Variants in CCDC126 observed in about 807,000 individuals in gnomAD.
CCDC126 encodes the protein coiled-coil domain-containing protein 126.
CCDC126 carries 5 observed loss-of-function variants against 11.7 expected under a neutral mutation model. The observed-to-expected ratio is 0.43, with a 90% confidence interval of 0.22 to 0.90. The LOEUF is 0.90. Ranked by LOEUF, CCDC126 falls within the 40% of genes least tolerant of loss-of-function variation. The probability of loss-of-function intolerance (pLI) is 0.27; values close to 1 mark genes in which losing one functional copy is unlikely to be tolerated. For synonymous variants in CCDC126, 60 were observed against 61.9 expected, an observed-to-expected ratio of 0.97 and a Z score of 0.14; for missense variants, 150 against 163.1, an observed-to-expected ratio of 0.92 and a Z score of 0.44.
At position 23,612,818 on chromosome 7, in the gene CCDC126, A is replaced by G. The variant is rs540848188; in HGVS notation, c.238+1265A>G. On this transcript the variant is annotated intron_variant, in intron 3 of 3. Transcript: ENST00000307471. ...ATTTCCTAAGAAGCAGGTTTTGCCT[A>G]TATATCTCCAGTATTGTTTATTGCT... is the stretch of plus-strand genomic sequence containing the variant. Among the ~76,000 whole-genome samples, 8 of 152,310 alleles carry G rather than the reference A, an allele frequency of 5.3e-5. No individual in the cohort carries two copies. In the East Asian group the frequency reaches 1.2e-3, roughly 22 times the overall value.
rs1783423410 is a variant in CCDC126 at position 23,644,423 on chromosome 7, T to C, written c.*1308T>C. The C allele has an allele frequency of 6.6e-6, 1 of 152,534 alleles. No individual in the cohort carries two copies. Among genetic ancestry groups the C allele is most frequent in the African/African-American group, 2.4e-5 (1 of 41,462 alleles). The allele number at this position is 152,534 out of a possible 1,614,324, so 9.4% of individuals were successfully genotyped here. A position where few individuals can be genotyped will look rare whatever the true frequency, so the allele number is the denominator to read the frequency against. On this transcript the variant is annotated 3_prime_UTR_variant, in exon 4 of 4. Coordinates refer to ENST00000307471, the MANE Select transcript of CCDC126 (RefSeq NM_138771.4). ...GCAGCTAGCTTCTAGATTTAGACTA[T>C]ATAGAATTTAGATATTGTATTGTTC...
chr7:23,608,974 T>C (rs915709445), intron 2 of CCDC126, among the ~76,000 whole-genome samples: 4 of 151,944 alleles, frequency 2.6e-5, no homozygotes, highest in Non-Finnish European at 5.9e-5. Context: ...GCTGTCCTCT[T>C]GCACCGAGTC....
At chr7:23,636,817 T>C (rs1401403031) in intron 3 of CCDC126, among the ~76,000 whole-genome samples, 1 of 80,668 alleles carries the variant, frequency 1.2e-5, no homozygotes, top group Non-Finnish European at 2.4e-5. Flanking sequence ...GTCCGGGAGG[T>C]GAGGGGCTCC....
intron 2 of CCDC126, among the ~76,000 whole-genome samples, chr7:23,606,145 G>A (rs1348928949): frequency 5.3e-5 from 8 of 151,958 alleles, no homozygotes; most frequent in South Asian, 2.1e-4. Context: ...TGCAAGCTCC[G>A]CCTCCTGGGT....
chr7:23,623,018 G>C (rs1002312263), intron 3 of CCDC126, among the ~76,000 whole-genome samples: 6 of 127,076 alleles, frequency 4.7e-5, no homozygotes, highest in Non-Finnish European at 7.7e-5. Flanking sequence ...TTGTTGCCCA[G>C]GCTGGAGTGC....
intron 3 of CCDC126, among the ~76,000 whole-genome samples, chr7:23,626,929 A>G (rs1783025273): frequency 6.6e-6 from 1 of 152,122 alleles, no homozygotes; most frequent in Non-Finnish European, 1.5e-5. Flanking sequence ...CATCCACCTT[A>G]TATCTTTTCC....
chr7:23,640,997 T>A (rs1265453948), intron 3 of CCDC126, among the ~76,000 whole-genome samples: 5 of 145,704 alleles, frequency 3.4e-5, no homozygotes, highest in South Asian at 2.2e-4. Flanking sequence ...TTTTGGTTTT[T>A]TTTTTTTTTT....
chr7:23,624,910 A>G (rs1782987034), intron 3 of CCDC126, among the ~76,000 whole-genome samples: 1 of 152,174 alleles, frequency 6.6e-6, no homozygotes, highest in East Asian at 1.9e-4. Context: ...TGGAGTGATC[A>G]TAGCTCAGTA....
intron 3 of CCDC126, among the ~76,000 whole-genome samples, chr7:23,642,687 C>G (rs930393739): frequency 2.6e-5 from 4 of 151,410 alleles, no homozygotes; most frequent in African/African-American, 9.7e-5. Context: ...CGCTGGAACC[C>G]AGGAGGTGGA....
chr7:23,617,533 G>A (rs2128017203), intron 3 of CCDC126, among the ~76,000 whole-genome samples: 1 of 152,174 alleles, frequency 6.6e-6, no homozygotes, highest in East Asian at 1.9e-4. Context: ...CAAATGCTGA[G>A]CTTTTGTGTG....
chr7:23,608,545 C>T (rs1189120503), intron 2 of CCDC126, among the ~76,000 whole-genome samples: 2 of 152,082 alleles, frequency 1.3e-5, no homozygotes, highest in Admixed American at 6.5e-5. Context: ...GTGGTCAGAA[C>T]GATTCTTCTT....
intron 3 of CCDC126, among the ~76,000 whole-genome samples, chr7:23,614,670 C>T (rs182448501): frequency 2.0e-5 from 3 of 152,252 alleles, no homozygotes; most frequent in East Asian, 3.9e-4. Context: ...ACTCCTTTAT[C>T]GATGGGCAGG....
chr7:23,627,444 G>A (rs377603834), intron 3 of CCDC126, among the ~76,000 whole-genome samples: 4 of 151,916 alleles, frequency 2.6e-5, no homozygotes, highest in Admixed American at 6.6e-5. Context: ...GCAGGCACCC[G>A]TAGTCCCAGC....
rs28517512 is a variant in CCDC126 at position 23,617,135 on chromosome 7, G to A, written c.238+5582G>A. ...AGGCTGGGCAGGTGGGTCACTTGAC[G>A]TTAGGAGTTCGAGACCAGCCTGGCC... On this transcript the variant is annotated intron_variant, in intron 3 of 3. Transcript: ENST00000307471. 3.9e-3 allele frequency among the ~76,000 whole-genome samples: 596 copies of A among 151,908 alleles called. 3 individuals are homozygous for A. The highest frequency in any genetic ancestry group is 6.5e-3 in the Non-Finnish European group (442 of 67,950).
chr7:23,602,301 A>G (rs1584191718), intron 2 of CCDC126: 1 of 152,242 alleles, frequency 6.6e-6, no homozygotes, highest in East Asian at 1.9e-4. Flanking sequence ...AATGCTTAAT[A>G]CAAGTTTTAA....
chr7:23,599,866 C>G (rs957531857), intron 2 of CCDC126, among the ~76,000 whole-genome samples: 1 of 152,156 alleles, frequency 6.6e-6, no homozygotes, highest in Non-Finnish European at 1.5e-5. Context: ...CACACTGCAT[C>G]CTCTACCTCC....
chr7:23,623,687 A>T (rs1782965418), intron 3 of CCDC126, among the ~76,000 whole-genome samples: 1 of 152,152 alleles, frequency 6.6e-6, no homozygotes, highest in Non-Finnish European at 1.5e-5. Flanking sequence ...TCTGTTGTAC[A>T]GTGTGGTGCA....
At chr7:23,609,820 C>T (rs1489793485) in intron 2 of CCDC126, among the ~76,000 whole-genome samples, 2 of 152,126 alleles carry the variant, frequency 1.3e-5, no homozygotes, top group African/African-American at 2.4e-5. Context: ...TGAGATTGCA[C>T]CACTGTACTC....
At chr7:23,629,534 T>C (rs1042531034) in intron 3 of CCDC126, among the ~76,000 whole-genome samples, 7 of 151,862 alleles carry the variant, frequency 4.6e-5, no homozygotes, top group Non-Finnish European at 1.0e-4. Context: ...AAAGCTGCTA[T>C]GATAAAATTT....
Sources: allele counts gnomAD v4.1 joint callset (sites outside exome capture counted in the v4.1 genomes callset), GRCh38; gene constraint gnomAD v4.1.1; transcripts MANE v1.5; gene names NCBI Gene and HGNC (gene_info 2026-07-23, HGNC 2026-07-21).